Variants in SLC44A1 observed in about 807,000 individuals in gnomAD.
SLC44A1 encodes solute carrier family 44 member 1, also known as choline transporter-like protein 1.
A neutral mutation model predicts 79.3 loss-of-function variants in SLC44A1; 26 were observed. The ratio of observed to expected loss-of-function variants is 0.33; its 90% CI spans 0.24 to 0.46. SLC44A1 has a LOEUF of 0.46. SLC44A1 is among the 20% of genes least tolerant of loss of function. The pLI, the probability that SLC44A1 is intolerant of heterozygous loss-of-function variation, is 1.00. For missense variants in SLC44A1, 688 were observed against 798.1 expected, an observed-to-expected ratio of 0.86 and a Z score of 1.66; for synonymous variants, 263 against 286.2, an observed-to-expected ratio of 0.92 and a Z score of 0.82.
chr9:105,258,152 A>T (rs1357229633), intron 1 of SLC44A1, among the ~76,000 whole-genome samples: 2 of 152,218 alleles, frequency 1.3e-5, no homozygotes, highest in Non-Finnish European at 2.9e-5. Context: ...ACGCCACATC[A>T]TGGAAGAAGG....
chr9:105,279,847 C>A (rs1830309672), intron 1 of SLC44A1, among the ~76,000 whole-genome samples: 1 of 152,090 alleles, frequency 6.6e-6, no homozygotes, highest in South Asian at 2.1e-4. Context: ...CTAAAAATTA[C>A]AAGTGCTGTA....
At chr9:105,361,084 C>T in intron 7 of SLC44A1, 107 bp from the exon 8 acceptor site, 1 of 1,081,826 alleles carries the variant, frequency 9.2e-7, no homozygotes. Context: ...ATTGTCACTG[C>T]ATTAGTCCCA....
At chr9:105,408,288 A>G (rs1829054125) in intron 15 of SLC44A1, among the ~76,000 whole-genome samples, 1 of 152,256 alleles carries the variant, frequency 6.6e-6, no homozygotes, top group Non-Finnish European at 1.5e-5. Flanking sequence ...GGAAGAAATG[A>G]AAGAACACAA....
chr9:105,419,914 C>CAAAA (rs59244219), intron 15 of SLC44A1, among the ~76,000 whole-genome samples: 51 of 52,986 alleles, frequency 9.6e-4, no homozygotes, highest in Admixed American at 1.3e-3. Context: ...AACTCTGTCT[C>CAAAA]AAAAAAAAAA....
chr9:105,304,430 T>C (rs1331209395), intron 2 of SLC44A1, among the ~76,000 whole-genome samples: 2 of 152,222 alleles, frequency 1.3e-5, no homozygotes, highest in Non-Finnish European at 2.9e-5. Context: ...TTATTACTTA[T>C]TAATGTACCT....
At chr9:105,252,406 A>G (rs1369543812) in intron 1 of SLC44A1, among the ~76,000 whole-genome samples, 1 of 152,202 alleles carries the variant, frequency 6.6e-6, no homozygotes, top group Non-Finnish European at 1.5e-5. Flanking sequence ...GAGGTGATTG[A>G]ACTCCTACCT....
At position 105,285,230 on chromosome 9, in the gene SLC44A1, A is replaced by G. The variant is rs552771945; in HGVS notation, c.37-13990A>G. Among the ~76,000 whole-genome samples, 5 of 152,346 alleles carry G rather than the reference A, an allele frequency of 3.3e-5. No homozygotes were observed. In the East Asian group the frequency reaches 5.8e-4, roughly 18 times the overall value. Reference sequence around the variant, plus strand: ...TAAGTATTATTGTTTTTGAAATACAATCAAGTGTTTTACAGAATTTAGGTG... The same window carrying G: ...TAAGTATTATTGTTTTTGAAATACAGTCAAGTGTTTTACAGAATTTAGGTG... On this transcript the variant is annotated intron_variant, in intron 1 of 15. Transcript: ENST00000374720.
At position 105,348,311 on chromosome 9, in the gene SLC44A1, A is replaced by G. The variant is rs575645537; in HGVS notation, c.407-47A>G. On this transcript the variant is annotated intron_variant, in intron 4 of 15. Coordinates refer to ENST00000374720, the MANE Select transcript of SLC44A1 (RefSeq NM_080546.5). ...CAAAATTAAAATGAATAGTAAGAGA[A>G]TTTTTTCAGACTGTTCTGCCACCTA... The G allele has an allele frequency of 9.8e-6, 10 of 1,016,134 alleles. No individual in the cohort carries two copies. In the African/African-American group the frequency reaches 1.6e-4, roughly 16 times the overall value. 62.9% of individuals were successfully genotyped at this position (1,016,134 alleles called of 1,614,324 possible).
Position 105,374,594 on chromosome 9 carries a change from C to G in SLC44A1, c.1495-4C>G. ...ACGAAAATGTTGTTTTTGCTTTTGT[C>G]CAGAATGCATACACAGCCACAGCTA... On this transcript the variant is annotated splice_polypyrimidine_tract_variant and splice_region_variant and intron_variant, in intron 12 of 15. Transcript: ENST00000374720. The G allele has an allele frequency of 6.2e-7, 1 of 1,606,164 alleles. No homozygotes were observed. Among genetic ancestry groups the G allele is most frequent in the Non-Finnish European group, 8.5e-7 (1 of 1,177,354 alleles).
rs1472808663 is a variant in SLC44A1, at chr9:105,389,304, G to A, written c.*248G>A. On this transcript the variant is annotated 3_prime_UTR_variant, in exon 16 of 16. Coordinates refer to ENST00000374720, the MANE Select transcript of SLC44A1 (RefSeq NM_080546.5). Reference sequence around the variant, plus strand: ...GGGTGGCTTTTACAAGGCAACTTCCGTCATTTAATGTTTTCAACTGTAATT... The same window carrying A: ...GGGTGGCTTTTACAAGGCAACTTCCATCATTTAATGTTTTCAACTGTAATT... The A allele has an allele frequency of 2.1e-5, 25 of 1,187,644 alleles. No individual in the cohort carries two copies. Among genetic ancestry groups the A allele is most frequent in the Middle Eastern group, 3.4e-4 (1 of 2,982 alleles). The allele number at this position is 1,187,644 out of a possible 1,614,324, so 73.6% of individuals were successfully genotyped here. A position where few individuals can be genotyped will look rare whatever the true frequency, so the allele number is the denominator to read the frequency against.
At position 105,348,366 on chromosome 9, in the gene SLC44A1, C is replaced by CT; in HGVS notation, c.416dup (p.Cys140MetfsTer2). ...AATTTTTCTTTCAACAGGTTCAGCC[C>CT]TATGTAGCTACAACCTAAAGCCTTC... On this transcript the variant is annotated frameshift_variant, in exon 5 of 16. Transcript: ENST00000374720. LOFTEE classifies it high-confidence loss of function. 6.3e-7 allele frequency: 1 copy of CT among 1,599,806 alleles called. No homozygotes were observed. Among genetic ancestry groups the CT allele is most frequent in the Non-Finnish European group, 8.6e-7 (1 of 1,168,088 alleles).
At chr9:105,400,169 C>G (rs149262975), downstream of SLC44A1, among the ~76,000 whole-genome samples, 1 of 147,374 alleles carries the variant, frequency 6.8e-6, no homozygotes, top group African/African-American at 2.5e-5. Flanking sequence ...CACTGCAGCC[C>G]GGGCAGCAAG....
intron 1 of SLC44A1, among the ~76,000 whole-genome samples, chr9:105,297,382 T>G (rs549507282): frequency 1.3e-5 from 2 of 152,326 alleles, no homozygotes; most frequent in East Asian, 3.9e-4. Flanking sequence ...ATGCTTACTT[T>G]TTTTCTTTGT....
intron 1 of SLC44A1, among the ~76,000 whole-genome samples, chr9:105,262,413 A>G (rs1203643135): frequency 2.6e-5 from 4 of 152,250 alleles, no homozygotes; most frequent in Non-Finnish European, 5.9e-5. Context: ...AGGCAGTCCC[A>G]TAGAAAAGAT....
intron 15 of SLC44A1, among the ~76,000 whole-genome samples, chr9:105,413,501 A>G (rs1274438101): frequency 6.6e-6 from 1 of 152,186 alleles, no homozygotes; most frequent in African/African-American, 2.4e-5. Flanking sequence ...ACAAACACCA[A>G]CAGAACCACA....
intron 15 of SLC44A1, among the ~76,000 whole-genome samples, chr9:105,433,068 G>T (rs941004878): frequency 6.6e-6 from 1 of 152,090 alleles, no homozygotes; most frequent in Non-Finnish European, 1.5e-5. Context: ...GCCGAAGCGG[G>T]GTGGATCACC....
intron 1 of SLC44A1, among the ~76,000 whole-genome samples, chr9:105,281,072 A>G (rs1004743100): frequency 1.3e-5 from 2 of 152,230 alleles, no homozygotes; most frequent in African/African-American, 2.4e-5. Flanking sequence ...GAAGCATAAG[A>G]TAGACATAAC....
At chr9:105,373,975 G>C (rs1376370606) in intron 12 of SLC44A1, among the ~76,000 whole-genome samples, 1 of 152,186 alleles carries the variant, frequency 6.6e-6, no homozygotes, top group African/African-American at 2.4e-5. Flanking sequence ...CATCCCCAGA[G>C]CTGGAGGTAG....
chr9:105,424,079 G>C (rs911888454), intron 15 of SLC44A1, among the ~76,000 whole-genome samples: 1 of 152,176 alleles, frequency 6.6e-6, no homozygotes, highest in Non-Finnish European at 1.5e-5. Context: ...CTTTATGGAT[G>C]ATTTAAGAGA....
Sources: allele counts gnomAD v4.1 joint callset (sites outside exome capture counted in the v4.1 genomes callset), GRCh38; gene constraint gnomAD v4.1.1; transcripts MANE v1.5; gene names NCBI Gene and HGNC (gene_info 2026-07-23, HGNC 2026-07-21).